The following WDR33 variants were observed in gnomAD, a reference collection of about 807,000 sequenced individuals.
WDR33 encodes the protein pre-mRNA 3' end processing protein WDR33.
Under a neutral mutation model 164.9 loss-of-function variants are expected in WDR33, and 47 were observed. The observed-to-expected ratio is 0.29, with a 90% CI of 0.23 to 0.36. WDR33 has a LOEUF of 0.36. Ranked by LOEUF, WDR33 falls within the 10% of genes least tolerant of loss-of-function variation. The probability of loss-of-function intolerance (pLI) is 1.00; values close to 1 mark genes in which losing one functional copy is unlikely to be tolerated. For missense variants in WDR33, 1,137 were observed against 1,754.1 expected (o/e 0.65, Z 6.28); for synonymous variants, 505 against 589.0 (o/e 0.86, Z 2.06).
rs1687895173 is a variant in WDR33 at position 127,768,590 on chromosome 2, T to C, written c.274-297A>G. 4.6e-5 allele frequency among the ~76,000 whole-genome samples: 7 copies of C among 152,278 alleles called. No homozygotes were observed. The South Asian group carries it at 1.5e-3, about 32-fold the overall frequency. The stretch of plus-strand genomic sequence containing the variant: ...AGTTAGTACTTAAAGTCAACATATT[T>C]AAACATGTCCACATAAAGCTAATTA... On this transcript the variant is annotated intron_variant, in intron 3 of 21. Coordinates refer to ENST00000322313, the MANE Select transcript of WDR33 (RefSeq NM_018383.5).
chr2:127,804,297 C>A (rs1007742140), intron 1 of WDR33, among the ~76,000 whole-genome samples: 6 of 151,614 alleles, frequency 4.0e-5, no homozygotes, highest in Non-Finnish European at 7.4e-5. Flanking sequence ...GGAGACAGAG[C>A]GAGACTCTGT....
Position 127,712,222 on chromosome 2 carries a change from C to T in WDR33, c.3308+1361G>A, listed in dbSNP as rs1365100047. Among the ~76,000 whole-genome samples, 1 of 151,748 alleles carries T rather than the reference C, an allele frequency of 6.6e-6. No individual in the cohort carries two copies. Among genetic ancestry groups the T allele is most frequent in the Non-Finnish European group, 1.5e-5 (1 of 67,906 alleles). On this transcript the variant is annotated intron_variant, in intron 18 of 21. Coordinates refer to ENST00000322313, the MANE Select transcript of WDR33 (RefSeq NM_018383.5). The surrounding 1 kb of genome is among the most constrained non-coding windows in gnomAD (Gnocchi z 4.0). ...GACGAGCCTGGCCAACATGGTGAAA[C>T]CTCATCTCTACTAAAAATACAAAAA...
At position 127,705,697 on chromosome 2, in the gene WDR33, C is replaced by T. The variant is rs773170550; in HGVS notation, c.*626G>A. The T allele has an allele frequency of 1.3e-5, 2 of 152,176 alleles. No individual in the cohort carries two copies. The highest frequency in any genetic ancestry group is 6.5e-5 in the Admixed American group (1 of 15,280). The allele number at this position is 152,176 out of a possible 1,614,324, so 9.4% of individuals were successfully genotyped here. On this transcript the variant is annotated 3_prime_UTR_variant, in exon 22 of 22. Coordinates refer to ENST00000322313, the MANE Select transcript of WDR33 (RefSeq NM_018383.5). The surrounding 1 kb of genome is among the most constrained non-coding windows in gnomAD (Gnocchi z 4.5). ...GAGCATGTCTGAATAAAAATTTGAA[C>T]CTACTACAAACTACATTAGAATAAT...
chr2:127,779,968 T>A (rs1688313730), intron 1 of WDR33, among the ~76,000 whole-genome samples: 1 of 149,008 alleles, frequency 6.7e-6, no homozygotes. Flanking sequence ...ATAAAAAGGT[T>A]TTTTTGATTT....
intron 7 of WDR33, among the ~76,000 whole-genome samples, chr2:127,747,619 T>C (rs1356829830): frequency 1.3e-5 from 2 of 152,204 alleles, no homozygotes; most frequent in East Asian, 1.9e-4. Flanking sequence ...AGTGGTACTA[T>C]CTGAAGAGGC....
intron 1 of WDR33, among the ~76,000 whole-genome samples, chr2:127,784,651 G>A (rs1345191820): frequency 1.3e-5 from 2 of 151,978 alleles, no homozygotes; most frequent in Non-Finnish European, 2.9e-5. Flanking sequence ...AAAGTACAGA[G>A]ACTACACGTG....
chr2:127,740,112 G>A (rs1354684852), intron 7 of WDR33, among the ~76,000 whole-genome samples: 4 of 152,124 alleles, frequency 2.6e-5, no homozygotes, highest in South Asian at 2.1e-4. Context: ...TACTTTTAAT[G>A]TAAGTACTGA....
chr2:127,709,451 G>A lies in WDR33; in HGVS notation c.3565+39C>T, dbSNP rs141982139. ...GCCCTCAGAACTCACTTTGTGAACT[G>A]CAGTCTAGAGTTACCCAACAAGCGG... is the stretch of plus-strand genomic sequence containing the variant. On this transcript the variant is annotated intron_variant, in intron 20 of 21. Coordinates refer to ENST00000322313, the MANE Select transcript of WDR33 (RefSeq NM_018383.5). The surrounding 1 kb of genome is among the most constrained non-coding windows in gnomAD (Gnocchi z 5.0). The A allele has an allele frequency of 1.3e-6, 2 of 1,594,390 alleles. No homozygotes were observed. Among genetic ancestry groups the A allele is most frequent in the East Asian group, 2.2e-5 (1 of 44,548 alleles).
chr2:127,776,628 G>T (rs1354578853), intron 1 of WDR33, among the ~76,000 whole-genome samples: 1 of 152,188 alleles, frequency 6.6e-6, no homozygotes, highest in African/African-American at 2.4e-5. Flanking sequence ...AGCCTGGGAG[G>T]TCAAGGCTGC....
In WDR33 at chr2:127,770,683, C is replaced by A. The variant is rs1412522620; in HGVS notation, c.204+95G>T. ...TCTGGCCTGGGCAACAAGAAAGAAA[C>A]TCCATCTCAAAATAAATAAATAAAT... On this transcript the variant is annotated intron_variant, in intron 2 of 21. Transcript: ENST00000322313. This position sits in a 1 kb window ranked among gnomAD's most constrained non-coding sequence, Gnocchi z 4.9. 1.1e-6 allele frequency: 1 copy of A among 940,430 alleles called. No homozygotes were observed. The highest frequency in any genetic ancestry group is 4.0e-5 in the East Asian group (1 of 24,984). The allele number at this position is 940,430 out of a possible 1,614,324, so 58.3% of individuals were successfully genotyped here.
intron 1 of WDR33, among the ~76,000 whole-genome samples, chr2:127,788,196 G>T: frequency 8.0e-6 from 1 of 125,316 alleles, no homozygotes; most frequent in Admixed American, 7.3e-5. Context: ...CGGGCGGAGG[G>T]CTGACCCCCC....
chr2:127,787,918 G>A (rs1688656054), intron 1 of WDR33, among the ~76,000 whole-genome samples: 1 of 56,658 alleles, frequency 1.8e-5, no homozygotes, highest in Non-Finnish European at 3.4e-5. Flanking sequence ...CCTCCCGGAC[G>A]GGGCGGCTGG....
At position 127,702,289 on chromosome 2, in the gene WDR33, G is replaced by A. The variant is rs988304546; in HGVS notation, c.*4034C>T. On this transcript the variant is annotated 3_prime_UTR_variant, in exon 22 of 22. Transcript: ENST00000322313. ...TGCGGAAGCCCGTGGCGAAGGCCCTGCCCTAACAGCCTGCGAGTCTAATCC... is the reference window on the plus strand; with the variant it reads ...TGCGGAAGCCCGTGGCGAAGGCCCTACCCTAACAGCCTGCGAGTCTAATCC... 1.9e-6 allele frequency: 2 copies of A among 1,041,098 alleles called. No individual in the cohort carries two copies. Among genetic ancestry groups the A allele is most frequent in the South Asian group, 4.8e-5 (1 of 20,640 alleles). The allele number at this position is 1,041,098 out of a possible 1,614,324, so 64.5% of individuals were successfully genotyped here.
chr2:127,747,629 C>T (rs17015541), intron 7 of WDR33, among the ~76,000 whole-genome samples: 4,120 of 152,230 alleles, frequency 0.027, 204 homozygotes, highest in African/African-American at 0.093. Context: ...TCTGAAGAGG[C>T]TGCTTTTGCC....
Position 127,702,769 on chromosome 2 carries a change from C to T in WDR33, c.*3554G>A, listed in dbSNP as rs1685925793. The stretch of plus-strand genomic sequence containing the variant: ...AAATCATAAATATGGTGCCTTATAA[C>T]ATGAAAGGAAAATTAGTTGTGTATT... On this transcript the variant is annotated 3_prime_UTR_variant, in exon 22 of 22. Coordinates refer to ENST00000322313, the MANE Select transcript of WDR33 (RefSeq NM_018383.5). The T allele has an allele frequency of 6.0e-6, 1 of 167,000 alleles. No individual in the cohort carries two copies. Among genetic ancestry groups the T allele is most frequent in the Non-Finnish European group, 1.5e-5 (1 of 68,110 alleles). 10.3% of individuals were successfully genotyped at this position (167,000 alleles called of 1,614,324 possible).
intron 1 of WDR33, among the ~76,000 whole-genome samples, chr2:127,797,520 C>A: frequency 6.6e-6 from 1 of 152,072 alleles, no homozygotes; most frequent in East Asian, 1.9e-4. Flanking sequence ...AGCCAAAAAA[C>A]CCCTCCAAGC....
intron 7 of WDR33, chr2:127,737,049 TAACCAGAAAGAA>T: frequency 3.0e-6 from 3 of 985,436 alleles, no homozygotes; most frequent in Non-Finnish European, 2.4e-6. Context: ...TCAGTTATAA[TAACCAGAAAGAA>T]GCAATTTTGC....
Position 127,726,916 on chromosome 2 carries a change from CCT to C in WDR33, c.725-141_725-140del. ...AACTTGTTTTGTGAAGACTCTTTGG[CCT>C]CTGTGTGTCTGGAAATTTTTCAGAT... On this transcript the variant is annotated intron_variant, in intron 7 of 21. Coordinates refer to ENST00000322313, the MANE Select transcript of WDR33 (RefSeq NM_018383.5). The surrounding 1 kb of genome is among the most constrained non-coding windows in gnomAD (Gnocchi z 4.8). 9.0e-7 allele frequency: 1 copy of C among 1,114,116 alleles called. No individual in the cohort carries two copies. Among genetic ancestry groups the C allele is most frequent in the South Asian group, 1.5e-5 (1 of 64,662 alleles). The allele number at this position is 1,114,116 out of a possible 1,614,324, so 69.0% of individuals were successfully genotyped here. A position where few individuals can be genotyped will look rare whatever the true frequency, so the allele number is the denominator to read the frequency against.
At position 127,723,839 on chromosome 2, in the gene WDR33, G is replaced by A. The variant is rs1262708622; in HGVS notation, c.1197-492C>T. On this transcript the variant is annotated intron_variant, in intron 11 of 21. Transcript: ENST00000322313. The surrounding 1 kb of genome is among the most constrained non-coding windows in gnomAD (Gnocchi z 5.9). ...TGCCTGTAATCCCAGCACCTTGGGAGGCTGAGGCAGGAGGATTGCCTAAGC... is the reference window on the plus strand; with the variant it reads ...TGCCTGTAATCCCAGCACCTTGGGAAGCTGAGGCAGGAGGATTGCCTAAGC... Among the ~76,000 whole-genome samples, 11 of 152,162 alleles carry A rather than the reference G, an allele frequency of 7.2e-5. No individual in the cohort carries two copies. The highest frequency in any genetic ancestry group is 1.6e-4 in the Non-Finnish European group (11 of 68,034).
Sources: allele counts gnomAD v4.1 joint callset (sites outside exome capture counted in the v4.1 genomes callset), GRCh38; gene constraint gnomAD v4.1.1; non-coding constraint Gnocchi (gnomAD v3.1); transcripts MANE v1.5; gene names NCBI Gene and HGNC (gene_info 2026-07-23, HGNC 2026-07-21).